Variants in PTPRS observed in about 807,000 individuals in gnomAD.
The protein encoded by PTPRS is protein tyrosine phosphatase receptor type S, also known as receptor-type tyrosine-protein phosphatase S.
In PTPRS, 63 loss-of-function variants were observed where a neutral mutation model predicts 215.3. The observed-to-expected ratio is 0.29, with a 90% CI of 0.24 to 0.36. The LOEUF (loss-of-function observed/expected upper bound fraction) is 0.36, where lower values mean the gene tolerates loss of function less well. Ranked by LOEUF, PTPRS falls within the 10% of genes least tolerant of loss-of-function variation. The probability of loss-of-function intolerance (pLI) is 1.00; values close to 1 mark genes in which losing one functional copy is unlikely to be tolerated. For missense variants in PTPRS, 2,258 were observed against 2,825.8 expected (o/e 0.80, Z 4.56); for synonymous variants, 1,404 against 1,191.4 (o/e 1.18, Z -3.68).
intron 1 of PTPRS, among the ~76,000 whole-genome samples, chr19:5,315,719 T>C (rs369135413): frequency 6.6e-6 from 1 of 151,706 alleles, no homozygotes; most frequent in Admixed American, 6.6e-5. Flanking sequence ...CTGGAACTCC[T>C]GGACCCAAGC....
rs927642502 is a variant in PTPRS, at chr19:5,246,101, G to A, written c.719-56C>T. On this transcript the variant is annotated intron_variant, in intron 9 of 37. Transcript: ENST00000262963. Reference sequence around the variant, plus strand: ...GGAGATGCGAGGGGTGAGGTGGGGTGAGGTTGGGAGGGGAAGACAGGATGC... The same window carrying A: ...GGAGATGCGAGGGGTGAGGTGGGGTAAGGTTGGGAGGGGAAGACAGGATGC... 5 of 1,101,886 alleles carry A rather than the reference G, an allele frequency of 4.5e-6. No homozygotes were observed. In the African/African-American group the frequency reaches 6.5e-5, roughly 14 times the overall value. 68.3% of individuals were successfully genotyped at this position (1,101,886 alleles called of 1,614,324 possible). A position where few individuals can be genotyped will look rare whatever the true frequency, so the allele number is the denominator to read the frequency against.
intron 6 of PTPRS, 42 bp from the exon 7 acceptor site, chr19:5,260,864 GGTT>G: frequency 3.9e-6 from 6 of 1,541,872 alleles, no homozygotes; most frequent in East Asian, 2.4e-5. Context: ...GTCACAAGGC[GGTT>G]GTTGGGGGGC....
intron 25 of PTPRS, among the ~76,000 whole-genome samples, chr19:5,217,043 C>T (rs1302511799): frequency 2.0e-5 from 3 of 152,206 alleles, no homozygotes; most frequent in Non-Finnish European, 4.4e-5. Flanking sequence ...TCCCCTCCCC[C>T]AGACCAGCCT....
At chr19:5,252,314 C>T (rs1223103725) in intron 9 of PTPRS, among the ~76,000 whole-genome samples, 1 of 152,144 alleles carries the variant, frequency 6.6e-6, no homozygotes, top group Non-Finnish European at 1.5e-5. Flanking sequence ...CGGTGGCTCA[C>T]TCCTGCAATC....
In PTPRS at chr19:5,293,209, G is replaced by C. The variant is rs1188416345; in HGVS notation, c.-94-6975C>G. The C allele has an allele frequency of 6.6e-6, 1 of 151,620 alleles. No homozygotes were observed. Among genetic ancestry groups the C allele is most frequent in the Non-Finnish European group, 1.5e-5 (1 of 67,798 alleles). The allele number at this position is 151,620 out of a possible 1,614,324, so 9.4% of individuals were successfully genotyped here. ...AGGGCCCGCCGCAGCCGCTCCCCGC[G>C]TCCCTCGGTCCGCCCGGAGCGCGGC... On this transcript the variant is annotated intron_variant, in intron 1 of 37. Coordinates refer to ENST00000262963, the MANE Select transcript of PTPRS (RefSeq NM_002850.4). This position sits in a 1 kb window ranked among gnomAD's most constrained non-coding sequence, Gnocchi z 8.4.
intron 1 of PTPRS, among the ~76,000 whole-genome samples, chr19:5,333,773 C>A (rs931253076): frequency 2.0e-5 from 3 of 152,150 alleles, no homozygotes; most frequent in Non-Finnish European, 4.4e-5. Flanking sequence ...CTAGCCCAAG[C>A]CCCACAGCTG....
rs754813198 is a variant in PTPRS, at chr19:5,222,781, G to A, written c.3011C>T (p.Thr1004Met). 18 of 1,598,778 alleles carry A rather than the reference G, an allele frequency of 1.1e-5. No individual in the cohort carries two copies. The highest frequency in any genetic ancestry group is 4.5e-5 in the East Asian group (2 of 44,752). ...ALTLQGLKPDTAYDLQVRAHT... is the reference protein window; with the variant it reads ...ALTLQGLKPDMAYDLQVRAHT... ...GGCTCGCACTTGGAGGTCATAGGCC[G>A]TGTCGGGCTTCAGGCCCTGCAGCGT... The change falls in exon 18 of 38, where the codon ACG becomes ATG. Residue 1004 changes from threonine (T) to methionine (M), a missense_variant. Around this residue, in one of 6 missense-constraint regions of PTPRS, gnomAD observed 361 missense variants for 332.6 expected, o/e 1.09. Coordinates refer to ENST00000262963, the MANE Select transcript of PTPRS (RefSeq NM_002850.4).
intron 36 of PTPRS, 35 bp downstream of exon 36, chr19:5,208,202 C>G: frequency 1.9e-6 from 3 of 1,564,142 alleles, no homozygotes; most frequent in Non-Finnish European, 2.6e-6. Context: ...GTTTCCCCAG[C>G]AGGGCCAAAA....
chr19:5,256,667 G>A (rs187345314), intron 8 of PTPRS, among the ~76,000 whole-genome samples: 2 of 152,230 alleles, frequency 1.3e-5, no homozygotes, highest in East Asian at 1.9e-4. Context: ...AGTCACGAAC[G>A]CATTACAACT....
chr19:5,315,520 TA>T (rs1210703804), intron 1 of PTPRS, among the ~76,000 whole-genome samples: 1 of 149,162 alleles, frequency 6.7e-6, no homozygotes, highest in East Asian at 1.9e-4. Flanking sequence ...TACACCATCA[TA>T]CTTGGCTAAT....
chr19:5,328,298 C>A (rs1030967989), intron 1 of PTPRS, among the ~76,000 whole-genome samples: 1 of 152,126 alleles, frequency 6.6e-6, no homozygotes, highest in Non-Finnish European at 1.5e-5. Context: ...TTAGTAGAGA[C>A]TGGGTTTCAC....
At chr19:5,274,016 T>C (rs970168267) in intron 3 of PTPRS, among the ~76,000 whole-genome samples, 183 bp downstream of exon 3, 10 of 152,142 alleles carry the variant, frequency 6.6e-5, no homozygotes, top group African/African-American at 2.2e-4. Flanking sequence ...CCACACAGCA[T>C]GGAGCTGGTA....
chr19:5,284,741 G>T (rs2048194230), intron 2 of PTPRS, among the ~76,000 whole-genome samples: 1 of 152,006 alleles, frequency 6.6e-6, no homozygotes, highest in South Asian at 2.1e-4. Context: ...GAGCTCAGGA[G>T]TTCGAGACCA....
chr19:5,315,754 G>A (rs1048807710), intron 1 of PTPRS, among the ~76,000 whole-genome samples: 2 of 149,826 alleles, frequency 1.3e-5, no homozygotes, highest in African/African-American at 4.9e-5. Context: ...AGCCTTCTGA[G>A]GAGCTCGGAA....
Position 5,274,228 on chromosome 19 carries a change from C to T in PTPRS, c.208G>A (p.Gly70Ser). The T allele has an allele frequency of 6.2e-7, 1 of 1,614,072 alleles. No homozygotes were observed. The highest frequency in any genetic ancestry group is 2.2e-5 in the East Asian group (1 of 44,874). Residue 70 changes from glycine to serine, a missense_variant, in exon 3 of 38, where the codon GGC becomes AGC. Transcript: ENST00000262963. ...AAGCGCTGAGAGTTGACCTTCTTGCCCTTCTTGTTCCAGGTCACTCGTGGC... is the reference window on the plus strand; with the variant it reads ...AAGCGCTGAGAGTTGACCTTCTTGCTCTTCTTGTTCCAGGTCACTCGTGGC... ...PKPRVTWNKK[G>S]KKVNSQRFET... is the part of the protein sequence containing the mutation.
At chr19:5,222,666 T>G (rs1259419535) in intron 18 of PTPRS, 23 bp downstream of exon 18, 1 of 1,532,032 alleles carries the variant, frequency 6.5e-7, no homozygotes, top group Non-Finnish European at 8.7e-7. Flanking sequence ...CCGGCTCTGG[T>G]GCAGGGGTCG....
chr19:5,221,099 A>G lies in PTPRS; in HGVS notation c.3356T>C (p.Phe1119Ser), dbSNP rs1341900869. The G allele has an allele frequency of 2.5e-6, 4 of 1,613,998 alleles. No homozygotes were observed. The East Asian group carries it at 8.9e-5, about 36-fold the overall frequency. ...GCTGGGCTTGCCGTTGAGCAGGTTGAAGGCAGTCCAGGCGGTGACCGTCTG... is the reference window on the plus strand; with the variant it reads ...GCTGGGCTTGCCGTTGAGCAGGTTGGAGGCAGTCCAGGCGGTGACCGTCTG... ...LQQTVTAWTA[F>S]NLLNGKPSVA... The change falls in exon 20 of 38, where the codon TTC becomes TCC. Residue 1119 changes from phenylalanine (F) to serine (S), a missense_variant. Transcript: ENST00000262963.
chr19:5,340,231 G>T (rs1277102202), intron 1 of PTPRS, among the ~76,000 whole-genome samples: 2 of 149,910 alleles, frequency 1.3e-5, no homozygotes, highest in East Asian at 2.0e-4. Flanking sequence ...CCCGCCCGGG[G>T]ACCCGGGCCG....
chr19:5,310,280 T>C (rs1047816979), intron 1 of PTPRS, among the ~76,000 whole-genome samples: 1 of 151,618 alleles, frequency 6.6e-6, no homozygotes, highest in South Asian at 2.1e-4. Context: ...AAACAGCCCC[T>C]CCCTGCCACC....
Sources: gnomAD v4.1 joint callset for allele counts (sites outside exome capture counted in the v4.1 genomes callset) on GRCh38, gnomAD v4.1.1 for gene constraint, gnomAD v4.1.1 regional missense constraint, Gnocchi (gnomAD v3.1) non-coding constraint, MANE v1.5 for transcripts, NCBI Gene and HGNC (gene_info 2026-07-23, HGNC 2026-07-21) for gene names.